TPPP: variants seen among roughly 807,000 people sequenced by gnomAD.
TPPP encodes tubulin polymerization promoting protein.
A neutral mutation model predicts 15.5 loss-of-function variants in TPPP; 6 were observed. The ratio of observed to expected loss-of-function variants is 0.39; its 90% confidence interval spans 0.21 to 0.77. The LOEUF (loss-of-function observed/expected upper bound fraction) is 0.77, where lower values mean the gene tolerates loss of function less well. Among genes scored for constraint, TPPP ranks in the 30% least tolerant of loss-of-function variants. The probability of loss-of-function intolerance (pLI) is 0.42; values close to 1 mark genes in which losing one functional copy is unlikely to be tolerated. For synonymous variants in TPPP, 146 were observed against 133.9 expected (o/e 1.09, Z -0.63); for missense variants, 269 against 307.2 (o/e 0.88, Z 0.93).
intron 1 of TPPP, among the ~76,000 whole-genome samples, chr5:682,626 G>C (rs1295676493): frequency 6.3e-5 from 9 of 142,620 alleles, no homozygotes; most frequent in East Asian, 4.3e-4. Flanking sequence ...TCTGTCACTA[G>C]CGCCAGGGGT....
chr5:674,493 G>C (rs1170441430), intron 2 of TPPP, among the ~76,000 whole-genome samples: 1 of 151,874 alleles, frequency 6.6e-6, no homozygotes, highest in Admixed American at 6.5e-5. Flanking sequence ...CTCCCGGTCC[G>C]AGTGCCCGGG....
chr5:668,664 GC>G (rs989052383), intron 2 of TPPP, among the ~76,000 whole-genome samples: 2 of 152,254 alleles, frequency 1.3e-5, no homozygotes, highest in Non-Finnish European at 2.9e-5. Context: ...GCCAAAGGTG[GC>G]CCAGCAGTCC....
rs528458616 is a variant in TPPP at position 677,895 on chromosome 5, G to T, written c.166C>A (p.Arg56=). The change falls in exon 2 of 4, where the codon CGG becomes AGG. Residue 56 remains arginine (R), a synonymous_variant. Transcript: ENST00000360578. ...PELSALEEAF[R]RFAVHGDARA... is the part of the protein sequence containing the mutation. ...GCGTCCCCGTGCACGGCAAAGCGCC[G>T]GAAGGCCTCCTCCAGGGCACTGAGC... The T allele has an allele frequency of 2.5e-6, 4 of 1,612,814 alleles. No individual in the cohort carries two copies. The Admixed American group carries it at 5.0e-5, about 20-fold the overall frequency.
chr5:696,439 T>G (rs1490128586), upstream of TPPP, among the ~76,000 whole-genome samples: 2 of 146,342 alleles, frequency 1.4e-5, no homozygotes, highest in Non-Finnish European at 3.1e-5. Context: ...CAGCTGAATG[T>G]CCTTTGACGG....
chr5:660,473 T>C lies in TPPP; in HGVS notation c.*4629A>G, dbSNP rs1739542616. ...TGTTCAGTAGTAAGAGGAGGAAAGA[T>C]GCAGGTTCAGTGTTTGAAGGACGTT... On this transcript the variant is annotated 3_prime_UTR_variant, in exon 4 of 4. Coordinates refer to ENST00000360578, the MANE Select transcript of TPPP (RefSeq NM_007030.3). 1 of 152,356 alleles carries C rather than the reference T, an allele frequency of 6.6e-6. No homozygotes were observed. Among genetic ancestry groups the C allele is most frequent in the Non-Finnish European group, 1.5e-5 (1 of 68,058 alleles). 9.4% of individuals were successfully genotyped at this position (152,356 alleles called of 1,614,324 possible).
At chr5:666,534 C>A (rs1463650329) in intron 2 of TPPP, among the ~76,000 whole-genome samples, 24 of 152,192 alleles carry the variant, frequency 1.6e-4, no homozygotes, top group Non-Finnish European at 5.9e-5. Context: ...TGGAGGTGTC[C>A]CCCACACAGG....
rs778617877 is a variant in TPPP, at chr5:663,683, T to TC, written c.*1418_*1419insG. ...TGAGGGAGGGGCCTCGCCACCCTCCTGTACTGTGAGCCTGGCCCTGGGCAG... is the reference window on the plus strand; with the variant it reads ...TGAGGGAGGGGCCTCGCCACCCTCCTCGTACTGTGAGCCTGGCCCTGGGCAG... On this transcript the variant is annotated 3_prime_UTR_variant, in exon 4 of 4. Transcript: ENST00000360578. 2 of 152,364 alleles carry TC rather than the reference T, an allele frequency of 1.3e-5. No individual in the cohort carries two copies. Among genetic ancestry groups the TC allele is most frequent in the Non-Finnish European group, 2.9e-5 (2 of 68,086 alleles). The allele number at this position is 152,364 out of a possible 1,614,324, so 9.4% of individuals were successfully genotyped here.
chr5:678,829 CTG>C (rs755980511), intron 1 of TPPP, among the ~76,000 whole-genome samples: 4 of 152,194 alleles, frequency 2.6e-5, no homozygotes, highest in Non-Finnish European at 5.9e-5. Flanking sequence ...GTTGAGAAGA[CTG>C]AGGGGTGCCA....
At chr5:699,441 T>C in the TPPP span, among the ~76,000 whole-genome samples, 3 of 152,038 alleles carry the variant, frequency 2.0e-5, no homozygotes, top group East Asian at 1.9e-4. Flanking sequence ...ACTGGACAAA[T>C]ACCTCTCACC....
rs766405971 is a variant in TPPP at position 677,791 on chromosome 5, G to A, written c.270C>T (p.Asn90=). The change falls in exon 2 of 4, where the codon AAC becomes AAT. Residue 90 remains asparagine, a synonymous_variant. Transcript: ENST00000360578. ...CKDCQVIDGR[N]VTVTDVDIVF... Reference sequence around the variant, plus strand: ...CGATGTCCACGTCAGTGACGGTCACGTTCCTGCCGTCGATCACCTGGCAGT... The same window carrying A: ...CGATGTCCACGTCAGTGACGGTCACATTCCTGCCGTCGATCACCTGGCAGT... The A allele has an allele frequency of 4.4e-6, 7 of 1,598,048 alleles. No individual in the cohort carries two copies. Among genetic ancestry groups the A allele is most frequent in the Middle Eastern group, 1.7e-4 (1 of 5,978 alleles).
In TPPP at chr5:693,281, G is replaced by T. The variant is rs1169345663; in HGVS notation, c.-8C>A. 1 of 150,870 alleles carries T rather than the reference G, an allele frequency of 6.6e-6. No homozygotes were observed. The highest frequency in any genetic ancestry group is 1.5e-5 in the Non-Finnish European group (1 of 67,412). The allele number at this position is 150,870 out of a possible 1,614,324, so 9.3% of individuals were successfully genotyped here. ...ACCGAGCCCCGCGCCCGCTTACCTT[G>T]GAGACGCAGCGACTGCAGCGGAGGC... On this transcript the variant is annotated 5_prime_UTR_variant, in exon 1 of 4. Coordinates refer to ENST00000360578, the MANE Select transcript of TPPP (RefSeq NM_007030.3).
upstream of TPPP, among the ~76,000 whole-genome samples, chr5:694,025 T>C (rs1319721575): frequency 0.62 from 76,319 of 123,914 alleles, 20,795 homozygotes; most frequent in Non-Finnish European, 0.69. Flanking sequence ...CACGCAGGAG[T>C]GGAGGAGCGG....
chr5:700,504 C>A, the TPPP span, among the ~76,000 whole-genome samples: 2,903 of 151,394 alleles, frequency 0.019, 44 homozygotes, highest in Middle Eastern at 0.044. Context: ...ACTATTCAGG[C>A]GATGGGTACA....
At chr5:699,450 C>T in the TPPP span, among the ~76,000 whole-genome samples, 15 of 152,142 alleles carry the variant, frequency 9.9e-5, no homozygotes, top group African/African-American at 3.1e-4. Flanking sequence ...ATACCTCTCA[C>T]CATATACAAA....
intron 2 of TPPP, among the ~76,000 whole-genome samples, chr5:671,063 AC>A (rs568332032): frequency 3.3e-5 from 5 of 152,120 alleles, no homozygotes; most frequent in African/African-American, 1.2e-4. Context: ...CCCCAGGCAC[AC>A]CCACCATGAA....
intron 1 of TPPP, among the ~76,000 whole-genome samples, chr5:680,323 C>T (rs866511181): frequency 3.2e-5 from 3 of 93,028 alleles, no homozygotes; most frequent in South Asian, 7.6e-4. Flanking sequence ...TGCCTTCAAA[C>T]GTTCTGAGGA....
In TPPP at chr5:688,234, G is replaced by A. The variant is rs796841642; in HGVS notation, c.-5+5044C>T. Reference sequence around the variant, plus strand: ...CAAAGAACATCCCAGGAATGCCCACGACAGCTTCATCCCTAGTTGCCAAGA... The same window carrying A: ...CAAAGAACATCCCAGGAATGCCCACAACAGCTTCATCCCTAGTTGCCAAGA... On this transcript the variant is annotated intron_variant, in intron 1 of 3. Transcript: ENST00000360578. Among the ~76,000 whole-genome samples, 49 of 138,160 alleles carry A rather than the reference G, an allele frequency of 3.5e-4. No individual in the cohort carries two copies. In the East Asian group the frequency reaches 5.6e-3, roughly 16 times the overall value. 90.6% of individuals were successfully genotyped at this position (138,160 alleles called of 152,430 possible).
intron 2 of TPPP, chr5:676,655 T>A (rs1384814758): frequency 1.3e-5 from 2 of 152,080 alleles, no homozygotes; most frequent in Admixed American, 1.3e-4. Context: ...TCGGGTGCGA[T>A]CATGGTGGGG....
At chr5:684,161 GAC>G (rs1303993841) in intron 1 of TPPP, among the ~76,000 whole-genome samples, 48 of 152,200 alleles carry the variant, frequency 3.2e-4, no homozygotes, top group Non-Finnish European at 6.2e-4. Flanking sequence ...TTTCCACCTT[GAC>G]GCCGAAGCCC....
Sources: allele counts gnomAD v4.1 joint callset (sites outside exome capture counted in the v4.1 genomes callset), GRCh38; gene constraint gnomAD v4.1.1; transcripts MANE v1.5; gene names NCBI Gene and HGNC (gene_info 2026-07-23, HGNC 2026-07-21).